STARD9: variants seen among roughly 807,000 people sequenced by gnomAD.
STARD9 encodes stAR-related lipid transfer protein 9.
A neutral mutation model predicts 399.8 loss-of-function variants in STARD9; 346 were observed. The observed-to-expected ratio is 0.87, with a 90% CI of 0.79 to 0.95. The LOEUF (loss-of-function observed/expected upper bound fraction) is 0.95. STARD9 is among the 40% of genes least tolerant of loss of function. The pLI is 0.00. For missense variants in STARD9, 5,832 were observed against 5,667.5 expected (o/e 1.03, Z -0.93); for synonymous variants, 2,203 against 2,143.5 (o/e 1.03, Z -0.77).
intron 3 of STARD9, among the ~76,000 whole-genome samples, chr15:42,605,624 C>T (rs2058709986): frequency 6.6e-6 from 1 of 152,176 alleles, no homozygotes; most frequent in Non-Finnish European, 1.5e-5. Flanking sequence ...GGGATAATCC[C>T]TTTGTCAATA....
intron 4 of STARD9, 121 bp downstream of exon 4, chr15:42,635,093 A>G (rs2059394552): frequency 3.8e-6 from 2 of 528,080 alleles, no homozygotes; most frequent in Non-Finnish European, 6.4e-6. Context: ...AGATTGAATG[A>G]GCCTTCTTCT....
intron 3 of STARD9, among the ~76,000 whole-genome samples, chr15:42,616,687 C>G (rs763038765): frequency 6.6e-6 from 1 of 151,852 alleles, no homozygotes; most frequent in Non-Finnish European, 1.5e-5. Flanking sequence ...GTCAGGAGAT[C>G]GAGACCATCC....
At chr15:42,613,719 C>T (rs1595636230) in intron 3 of STARD9, among the ~76,000 whole-genome samples, 1 of 152,220 alleles carries the variant, frequency 6.6e-6, no homozygotes, top group Non-Finnish European at 1.5e-5. Context: ...AATCCCAGCA[C>T]TTTGGGAGGT....
intron 26 of STARD9, 122 bp downstream of exon 26, chr15:42,696,002 C>T (rs1048073516): frequency 1.9e-6 from 2 of 1,026,168 alleles, no homozygotes; most frequent in African/African-American, 1.7e-5. Flanking sequence ...CCACTGCTGA[C>T]ATGAGCCCTT....
Position 42,689,806 on chromosome 15 carries a change from C to T in STARD9, c.8228C>T (p.Ala2743Val), listed in dbSNP as rs79955702. The change falls in exon 23 of 33, where the codon GCC becomes GTC. Residue 2743 changes from alanine (A) to valine (V), a missense_variant. Coordinates refer to ENST00000290607, the MANE Select transcript of STARD9 (RefSeq NM_020759.3). ...GTAGTATCAAAGAAGGTAGTGGCTG[C>T]CTTACCTTCTCAGGCCCCTTATGAT... ...RRVVSKKVVA[A>V]LPSQAPYDDP... 12 of 1,537,148 alleles carry T rather than the reference C, an allele frequency of 7.8e-6. No homozygotes were observed. Among genetic ancestry groups the T allele is most frequent in the Non-Finnish European group, 8.7e-6 (10 of 1,146,932 alleles).
At position 42,692,730 on chromosome 15, in the gene STARD9, GC is replaced by G; in HGVS notation, c.11156del (p.Pro3719HisfsTer4). 6.5e-7 allele frequency: 1 copy of G among 1,537,094 alleles called. No individual in the cohort carries two copies. Among genetic ancestry groups the G allele is most frequent in the Non-Finnish European group, 8.7e-7 (1 of 1,146,900 alleles). ...QNTKRDIPDK[A>X]PQALMMDGST... Reference sequence around the variant, plus strand: ...CACCAAGAGGGACATCCCAGATAAAGCCCCACAGGCCCTGATGATGGATGGC... The same window carrying G: ...CACCAAGAGGGACATCCCAGATAAAGCCCACAGGCCCTGATGATGGATGGC... On this transcript the variant is annotated frameshift_variant, in exon 23 of 33. Transcript: ENST00000290607. LOFTEE classifies it high-confidence loss of function.
chr15:42,629,007 A>G (rs1217140110), intron 3 of STARD9, among the ~76,000 whole-genome samples: 1 of 152,044 alleles, frequency 6.6e-6, no homozygotes, highest in African/African-American at 2.4e-5. Context: ...TATTTCTCAT[A>G]CTACCCCAGT....
Position 42,691,849 on chromosome 15 carries a change from G to A in STARD9, c.10271G>A (p.Ser3424Asn). The change falls in exon 23 of 33, where the codon AGC (serine) becomes AAC (asparagine). Residue 3424 changes from serine to asparagine, a missense_variant. Ser to Asn is a conservative substitution (Grantham distance 46). This residue lies in a region of STARD9 where 5,828 missense variants were observed against 5,651.1 expected (regional missense o/e 1.03). Coordinates refer to ENST00000290607, the MANE Select transcript of STARD9 (RefSeq NM_020759.3). ...ATGCCAACCCCTGATTTCACGACCA[G>A]CTGGATGTCTGGTACTTTGGAACAA... ...SHMPTPDFTT[S>N]WMSGTLEQAQ... 2.0e-6 allele frequency: 3 copies of A among 1,537,276 alleles called. No individual in the cohort carries two copies. The highest frequency in any genetic ancestry group is 2.6e-6 in the Non-Finnish European group (3 of 1,146,926).
Position 42,694,273 on chromosome 15 carries a change from A to C in STARD9, c.12695A>C (p.Gln4232Pro). The change falls in exon 23 of 33, where the codon CAG becomes CCG. Residue 4232 changes from glutamine (Q) to proline (P), a missense_variant. Physicochemically the swap from Gln to Pro is moderately conservative, Grantham distance 76. Around this residue, in one of 2 missense-constraint regions of STARD9, gnomAD observed 5,828 missense variants for 5,651.1 expected, o/e 1.03. Transcript: ENST00000290607. ...GCCGATGCCCTGCTCCAGGTGCTGC[A>C]GAGTGGGACAGGGGAGGCGCTTGCT... ...GEADALLQVL[Q>P]SGTGEALAAD... 1 of 1,523,292 alleles carries C rather than the reference A, an allele frequency of 6.6e-7. No individual in the cohort carries two copies. The highest frequency in any genetic ancestry group is 8.8e-7 in the Non-Finnish European group (1 of 1,139,826). The allele number at this position is 1,523,292 out of a possible 1,614,324, so 94.4% of individuals were successfully genotyped here.
intron 7 of STARD9, among the ~76,000 whole-genome samples, chr15:42,647,217 A>G (rs967968573): frequency 6.6e-6 from 1 of 152,172 alleles, no homozygotes; most frequent in African/African-American, 2.4e-5. Context: ...TGTATTATAC[A>G]ATTGTTGGGC....
At position 42,684,787 on chromosome 15, in the gene STARD9, GACA is replaced by G. The variant is rs1224277212; in HGVS notation, c.3214_3216del (p.Gln1072del). The G allele has an allele frequency of 7.8e-6, 12 of 1,537,212 alleles. No individual in the cohort carries two copies. The highest frequency in any genetic ancestry group is 9.6e-6 in the Non-Finnish European group (11 of 1,146,920). On this transcript the variant is annotated inframe_deletion, in exon 23 of 33. Transcript: ENST00000290607. The stretch of plus-strand genomic sequence containing the variant: ...TTGCCTCTTGGCAGTCCTTTGAAGA[GACA>G]ACAAAATACAAGGGACCCAGACACC...
Position 42,665,271 on chromosome 15 carries a change from A to C in STARD9, c.1195A>C (p.Ile399Leu). The stretch of plus-strand genomic sequence containing the variant: ...GTTTCAGGATGCAAACTTAAAACTG[A>C]TTAGAGAACTCAGAGAAGAGATTGA... ...RVNEDANLKL[I>L]RELREEIERL... Residue 399 changes from isoleucine (I) to leucine (L), a missense_variant, in exon 14 of 33, where the codon ATT becomes CTT. Around this residue, in one of 2 missense-constraint regions of STARD9, gnomAD observed 5,828 missense variants for 5,651.1 expected, o/e 1.03. Transcript: ENST00000290607. 2 of 1,537,078 alleles carry C rather than the reference A, an allele frequency of 1.3e-6. No homozygotes were observed. The highest frequency in any genetic ancestry group is 1.7e-6 in the Non-Finnish European group (2 of 1,146,770).
rs1182345370 is a variant in STARD9, at chr15:42,686,914, C to T, written c.5336C>T (p.Ala1779Val). 3.3e-6 allele frequency: 5 copies of T among 1,536,686 alleles called. No homozygotes were observed. The African/African-American group carries it at 6.8e-5, about 21-fold the overall frequency. ...GTACCCTCCCCACCCCCCAGGGAAG[C>T]CTGGGGCTTTGGTCACAACCACCAA... Reference protein sequence around the residue: ...VRVPSPPPREAWGFGHNHQAL... With the variant: ...VRVPSPPPREVWGFGHNHQAL... Residue 1779 changes from alanine to valine, a missense_variant, in exon 23 of 33, where the codon GCC becomes GTC. This residue lies in a region of STARD9 where 5,828 missense variants were observed against 5,651.1 expected (regional missense o/e 1.03). Coordinates refer to ENST00000290607, the MANE Select transcript of STARD9 (RefSeq NM_020759.3).
chr15:42,670,549 A>T (rs955632329), intron 16 of STARD9: 1 of 152,204 alleles, frequency 6.6e-6, no homozygotes, highest in Non-Finnish European at 1.5e-5. Context: ...GCTCACTGAA[A>T]ATCTAGTTTT....
intron 20 of STARD9, among the ~76,000 whole-genome samples, chr15:42,680,939 C>T (rs2060414927): frequency 6.6e-6 from 1 of 152,162 alleles, no homozygotes; most frequent in Admixed American, 6.5e-5. Flanking sequence ...GCTACCAGAT[C>T]ACAGAGGATT....
At chr15:42,611,134 C>A (rs1232446750) in intron 3 of STARD9, among the ~76,000 whole-genome samples, 2 of 152,108 alleles carry the variant, frequency 1.3e-5, no homozygotes, top group Non-Finnish European at 2.9e-5. Flanking sequence ...CAGGGCTTGG[C>A]AAACTATGAT....
chr15:42,719,041 G>A (rs1420277232), intron 32 of STARD9, 131 bp downstream of exon 32: 4 of 724,806 alleles, frequency 5.5e-6, no homozygotes, highest in African/African-American at 1.8e-5. Context: ...GGAGACTTGA[G>A]GGCTTCCTGG....
intron 4 of STARD9, among the ~76,000 whole-genome samples, chr15:42,635,530 C>A (rs1354512500): frequency 6.6e-6 from 1 of 151,912 alleles, no homozygotes; most frequent in African/African-American, 2.4e-5. Flanking sequence ...GGGGTTTCAC[C>A]GTGTTAGCCA....
At chr15:42,659,309 A>G (rs1463704663) in intron 9 of STARD9, among the ~76,000 whole-genome samples, 1 of 152,188 alleles carries the variant, frequency 6.6e-6, no homozygotes, top group Non-Finnish European at 1.5e-5. Flanking sequence ...GCTAGTGACA[A>G]TTAGGGAGTT....
Sources: gnomAD v4.1 joint callset for allele counts (sites outside exome capture counted in the v4.1 genomes callset) on GRCh38, gnomAD v4.1.1 for gene constraint, gnomAD v4.1.1 regional missense constraint, MANE v1.5 for transcripts, NCBI Gene and HGNC (gene_info 2026-07-23, HGNC 2026-07-21) for gene names.